CCNY: variants seen among roughly 807,000 people sequenced by gnomAD.
CCNY encodes cyclin-Y.
CCNY carries 19 observed loss-of-function variants against 42.8 expected under a neutral mutation model. That is an observed-to-expected ratio of 0.44 (90% CI 0.31 to 0.65). CCNY has a LOEUF of 0.65. Among genes scored for constraint, CCNY ranks in the 30% least tolerant of loss-of-function variants. The pLI is 0.07. For missense variants in CCNY, 370 were observed against 437.3 expected (o/e 0.85, Z 1.37); for synonymous variants, 165 against 162.7 (o/e 1.01, Z -0.11).
chr10:35,496,152 C>G (rs1356878306), intron 2 of CCNY, among the ~76,000 whole-genome samples: 1 of 152,214 alleles, frequency 6.6e-6, no homozygotes, highest in Admixed American at 6.5e-5. Flanking sequence ...TTAGTTGAAG[C>G]CTGCCTCTTG....
At chr10:35,422,733 G>A (rs1838185630) in intron 1 of CCNY, among the ~76,000 whole-genome samples, 1 of 152,194 alleles carries the variant, frequency 6.6e-6, no homozygotes, top group South Asian at 2.1e-4. Flanking sequence ...TCATTTAAGA[G>A]TTAAAGGAAT....
At chr10:35,378,316 G>T (rs1172788977) in intron 1 of CCNY, among the ~76,000 whole-genome samples, 1 of 152,172 alleles carries the variant, frequency 6.6e-6, no homozygotes, top group East Asian at 1.9e-4. Flanking sequence ...CAAGCTCATG[G>T]TGGTAGATAC....
intron 3 of CCNY, among the ~76,000 whole-genome samples, chr10:35,329,804 C>A (rs943516871): frequency 2.0e-5 from 3 of 152,066 alleles, no homozygotes; most frequent in Admixed American, 1.3e-4. Context: ...AGCAGGCCAA[C>A]CTGACTGTCA....
intron 3 of CCNY, among the ~76,000 whole-genome samples, chr10:35,270,413 A>G (rs1468683415): frequency 1.3e-5 from 2 of 152,224 alleles, no homozygotes; most frequent in African/African-American, 4.8e-5. Context: ...GGGAGGAATT[A>G]CCAATGTGTC....
At chr10:35,353,476 T>C (rs1160869246) in intron 1 of CCNY, among the ~76,000 whole-genome samples, 8 of 152,206 alleles carry the variant, frequency 5.3e-5, no homozygotes, top group Non-Finnish European at 8.8e-5. Flanking sequence ...CTATTTTTGT[T>C]GAGTATGAGA....
At chr10:35,518,097 A>G (rs530108044) in intron 4 of CCNY, among the ~76,000 whole-genome samples, 1 of 152,318 alleles carries the variant, frequency 6.6e-6, no homozygotes, top group East Asian at 1.9e-4. Flanking sequence ...TGGGATTCAC[A>G]GGTGGCTCTG....
intron 1 of CCNY, among the ~76,000 whole-genome samples, chr10:35,355,457 C>T (rs1836524365): frequency 6.6e-6 from 1 of 151,820 alleles, no homozygotes; most frequent in Non-Finnish European, 1.5e-5. Flanking sequence ...GCGGGTGGAT[C>T]ACCTGAGATC....
At chr10:35,361,321 T>G (rs1051205816) in intron 1 of CCNY, among the ~76,000 whole-genome samples, 2 of 152,250 alleles carry the variant, frequency 1.3e-5, no homozygotes, top group Non-Finnish European at 1.5e-5. Context: ...AAGTGTTGCC[T>G]CTAAACAATC....
At chr10:35,333,028 G>A (rs1456567687), upstream of CCNY, among the ~76,000 whole-genome samples, 5 of 152,074 alleles carry the variant, frequency 3.3e-5, no homozygotes, top group Non-Finnish European at 7.4e-5. Flanking sequence ...GGTATGAGTA[G>A]ATCCAGGTCA....
At chr10:35,465,938 A>AGAGAGAGAGAGAGAGAGAGAGT in intron 1 of CCNY, among the ~76,000 whole-genome samples, 10 of 81,028 alleles carry the variant, frequency 1.2e-4, no homozygotes, top group African/African-American at 3.5e-4. Flanking sequence ...AGAGAGAGAG[A>AGAGAGAGAGAGAGAGAGAGAGT]GTGTGTGTGT....
intron 3 of CCNY, among the ~76,000 whole-genome samples, chr10:35,263,470 G>A (rs1030648684): frequency 2.0e-5 from 3 of 151,326 alleles, no homozygotes; most frequent in Admixed American, 1.3e-4. Context: ...TAGCCAAGGA[G>A]TTCAAGGCTG....
At chr10:35,388,337 TG>T (rs930267731) in intron 1 of CCNY, among the ~76,000 whole-genome samples, 11 of 152,218 alleles carry the variant, frequency 7.2e-5, no homozygotes, top group African/African-American at 2.7e-4. Flanking sequence ...CTTATATATG[TG>T]GCACAGAAGT....
intron 3 of CCNY, among the ~76,000 whole-genome samples, chr10:35,320,151 C>G (rs1835804353): frequency 6.6e-6 from 1 of 152,046 alleles, no homozygotes; most frequent in Non-Finnish European, 1.5e-5. Context: ...TGAGCCCAGA[C>G]AATGACATTG....
chr10:35,504,730 G>C (rs118107917), intron 3 of CCNY, among the ~76,000 whole-genome samples: 3 of 151,978 alleles, frequency 2.0e-5, no homozygotes, highest in Admixed American at 6.6e-5. Context: ...TCCCCAACCC[G>C]GGTTCAAACT....
chr10:35,331,295 A>C (rs755598512), intron 3 of CCNY, among the ~76,000 whole-genome samples: 2 of 152,228 alleles, frequency 1.3e-5, no homozygotes, highest in Non-Finnish European at 2.9e-5. Context: ...TCACAGGTAC[A>C]TCCTAGTTCT....
At chr10:35,549,727 G>A (rs1277222387) in intron 7 of CCNY, among the ~76,000 whole-genome samples, 5 of 139,098 alleles carry the variant, frequency 3.6e-5, no homozygotes, top group East Asian at 2.2e-4. Flanking sequence ...GTGACCCTGC[G>A]CTGCTCATGG....
At chr10:35,514,881 G>A (rs1353629509) in intron 3 of CCNY, among the ~76,000 whole-genome samples, 1 of 152,074 alleles carries the variant, frequency 6.6e-6, no homozygotes, top group African/African-American at 2.4e-5. Flanking sequence ...GTTTGTAGTA[G>A]ATTTTACATC....
intron 8 of CCNY, 26 bp downstream of exon 8, chr10:35,553,211 G>A: frequency 3.1e-6 from 5 of 1,610,330 alleles, no homozygotes; most frequent in African/African-American, 1.3e-5. Context: ...GAGGGTGTTG[G>A]TCATCAGAGT....
At chr10:35,356,947 C>T (rs1392683771) in intron 1 of CCNY, among the ~76,000 whole-genome samples, 1 of 152,094 alleles carries the variant, frequency 6.6e-6, no homozygotes, top group African/African-American at 2.4e-5. Flanking sequence ...CCCTGCCTGC[C>T]ATGTAAACCT....
Sources: allele counts gnomAD v4.1 joint callset (sites outside exome capture counted in the v4.1 genomes callset), GRCh38; gene constraint gnomAD v4.1.1; transcripts MANE v1.5; gene names NCBI Gene and HGNC (gene_info 2026-07-23, HGNC 2026-07-21).